Variants in DPP10 observed in about 807,000 individuals in gnomAD.
The protein encoded by DPP10 is dipeptidyl peptidase like 10.
Under a neutral mutation model 120.9 loss-of-function variants are expected in DPP10, and 33 were observed. The ratio of observed to expected loss-of-function variants is 0.27; its 90% CI spans 0.21 to 0.37. DPP10 has a LOEUF of 0.37. Ranked by LOEUF, DPP10 falls within the 10% of genes least tolerant of loss-of-function variation. DPP10 has a pLI of 1.00. For missense variants in DPP10, 816 were observed against 942.8 expected (o/e 0.87, Z 1.76); for synonymous variants, 337 against 326.1 (o/e 1.03, Z -0.36).
At chr2:115,726,420 G>A (rs1410602345) in intron 7 of DPP10, among the ~76,000 whole-genome samples, 1 of 152,038 alleles carries the variant, frequency 6.6e-6, no homozygotes, top group East Asian at 1.9e-4. Flanking sequence ...CTTCACCACA[G>A]ATCTGTAAGG....
At position 115,704,416 on chromosome 2, in the gene DPP10, A is replaced by C. The variant is rs146474245; in HGVS notation, c.576+14495A>C. ...TTTATTTATGTTGTTATCTTCTACCACTAACTGAGGGGGAACACCTAGAAT... is the reference window on the plus strand; with the variant it reads ...TTTATTTATGTTGTTATCTTCTACCCCTAACTGAGGGGGAACACCTAGAAT... On this transcript the variant is annotated intron_variant, in intron 7 of 25. Transcript: ENST00000410059. 2.0e-5 allele frequency among the ~76,000 whole-genome samples: 3 copies of C among 151,978 alleles called. No individual in the cohort carries two copies. In the East Asian group the frequency reaches 5.8e-4, roughly 29 times the overall value.
At chr2:115,330,199 C>T (rs1463789755) in intron 2 of DPP10, among the ~76,000 whole-genome samples, 2 of 152,096 alleles carry the variant, frequency 1.3e-5, no homozygotes, top group African/African-American at 4.8e-5. Flanking sequence ...TGATGATGAG[C>T]ATTTTTTCAT....
chr2:115,403,480 A>C (rs375274199), intron 3 of DPP10, among the ~76,000 whole-genome samples: 2 of 134,344 alleles, frequency 1.5e-5, no homozygotes, highest in African/African-American at 5.6e-5. Context: ...GCTTACTGCA[A>C]CCTCCGCCTC....
intron 1 of DPP10, among the ~76,000 whole-genome samples, chr2:114,561,307 G>A (rs1438701806): frequency 2.0e-5 from 3 of 152,152 alleles, no homozygotes; most frequent in Non-Finnish European, 2.9e-5. Context: ...TGTTTAAGGA[G>A]AAAAGTGATA....
intron 1 of DPP10, among the ~76,000 whole-genome samples, chr2:115,088,759 A>AAAAAAAAAAC (rs1708967892): frequency 6.7e-6 from 1 of 149,818 alleles, no homozygotes; most frequent in Non-Finnish European, 1.5e-5. Context: ...ACAAAAAAAA[A>AAAAAAAAAAC]AAAAAAAAAA....
intron 1 of DPP10, among the ~76,000 whole-genome samples, chr2:114,908,226 G>A (rs1482564941): frequency 6.6e-6 from 1 of 151,914 alleles, no homozygotes; most frequent in Non-Finnish European, 1.5e-5. Flanking sequence ...CTTCCAAAGT[G>A]TATAATTGTT....
Position 115,092,239 on chromosome 2 carries a change from C to T in DPP10, c.61-217000C>T, listed in dbSNP as rs74411579. On this transcript the variant is annotated intron_variant, in intron 1 of 25. Coordinates refer to ENST00000410059, the MANE Select transcript of DPP10 (RefSeq NM_020868.6). ...CTATCCAAATGAATACCAAATAACT[C>T]ACTTTGCAAACATTTCATGTCCATT... is the stretch of plus-strand genomic sequence containing the variant. 2.0e-5 allele frequency among the ~76,000 whole-genome samples: 3 copies of T among 152,298 alleles called. No homozygotes were observed. The East Asian group carries it at 5.8e-4, about 29-fold the overall frequency.
In DPP10 at chr2:114,563,574, A is replaced by G. The variant is rs149269478; in HGVS notation, c.60+120736A>G. 8.5e-5 allele frequency among the ~76,000 whole-genome samples: 13 copies of G among 152,314 alleles called. No individual in the cohort carries two copies. In the East Asian group the frequency reaches 2.3e-3, roughly 27 times the overall value. On this transcript the variant is annotated intron_variant, in intron 1 of 25. Coordinates refer to ENST00000410059, the MANE Select transcript of DPP10 (RefSeq NM_020868.6). ...AAATAATTCTTAGAGGAATAAGCACATGTAAACAATATTCTATTGACATCT... is the reference window on the plus strand; with the variant it reads ...AAATAATTCTTAGAGGAATAAGCACGTGTAAACAATATTCTATTGACATCT...
At chr2:114,916,836 C>A (rs1486886698) in intron 1 of DPP10, among the ~76,000 whole-genome samples, 1 of 152,106 alleles carries the variant, frequency 6.6e-6, no homozygotes, top group African/African-American at 2.4e-5. Flanking sequence ...TAATAAAAGT[C>A]ATCTATGACA....
intron 12 of DPP10, among the ~76,000 whole-genome samples, chr2:115,767,372 G>A (rs559968912): frequency 3.8e-4 from 58 of 152,040 alleles, no homozygotes; most frequent in African/African-American, 1.0e-3. Context: ...ACCACCTCTC[G>A]TTAGTCCAGC....
chr2:115,831,037 G>A (rs1016804589), intron 21 of DPP10, among the ~76,000 whole-genome samples: 3 of 152,126 alleles, frequency 2.0e-5, no homozygotes, highest in African/African-American at 7.2e-5. Flanking sequence ...TTAAGATTCT[G>A]CTTCAAGGCA....
chr2:115,800,625 GAGGGATCC>G, intron 19 of DPP10, among the ~76,000 whole-genome samples: 1 of 151,924 alleles, frequency 6.6e-6, no homozygotes, highest in East Asian at 1.9e-4. Context: ...AGGTGTAAGG[GAGGGATCC>G]AGTTTCAGCT....
chr2:114,511,510 T>C (rs374837201), intron 1 of DPP10, among the ~76,000 whole-genome samples: 3 of 152,148 alleles, frequency 2.0e-5, no homozygotes, highest in African/African-American at 7.2e-5. Context: ...CACCATCCTC[T>C]GAAAGTACAG....
Position 115,431,996 on chromosome 2 carries a change from A to G in DPP10, c.272-67514A>G, listed in dbSNP as rs556331763. On this transcript the variant is annotated intron_variant, in intron 3 of 25. Coordinates refer to ENST00000410059, the MANE Select transcript of DPP10 (RefSeq NM_020868.6). ...TCCAAGGGAAACGGGAAATCTGTAT[A>G]CTGTATAGTGATAAAAATGATGCCA... Among the ~76,000 whole-genome samples, 14 of 152,264 alleles carry G rather than the reference A, an allele frequency of 9.2e-5. No homozygotes were observed. The South Asian group carries it at 2.9e-3, about 32-fold the overall frequency.
At chr2:115,698,793 G>T (rs1019534548) in intron 7 of DPP10, among the ~76,000 whole-genome samples, 5 of 152,008 alleles carry the variant, frequency 3.3e-5, no homozygotes, top group African/African-American at 1.2e-4. Context: ...TTGGTATTTT[G>T]TTATGGAAGG....
intron 1 of DPP10, among the ~76,000 whole-genome samples, chr2:114,480,043 G>A (rs1383563059): frequency 6.6e-6 from 1 of 152,168 alleles, no homozygotes; most frequent in African/African-American, 2.4e-5. Flanking sequence ...ATCAAAAAGT[G>A]GGCGAAGGAT....
intron 1 of DPP10, among the ~76,000 whole-genome samples, chr2:114,471,426 A>G (rs911396172): frequency 2.0e-5 from 3 of 152,218 alleles, no homozygotes; most frequent in African/African-American, 4.8e-5. Flanking sequence ...AGAGAATCAA[A>G]TAGGGATGGT....
chr2:114,474,874 C>T (rs1205851976), intron 1 of DPP10, among the ~76,000 whole-genome samples: 1 of 152,134 alleles, frequency 6.6e-6, no homozygotes, highest in Non-Finnish European at 1.5e-5. Context: ...GGCTGCAAAC[C>T]CTAAGAGATG....
intron 19 of DPP10, among the ~76,000 whole-genome samples, chr2:115,793,838 C>G (rs1038533771): frequency 6.6e-6 from 1 of 151,924 alleles, no homozygotes; most frequent in African/African-American, 2.4e-5. Context: ...ATGTGACTTA[C>G]AAAATCCAAA....
Sources: gnomAD v4.1 joint callset for allele counts (sites outside exome capture counted in the v4.1 genomes callset) on GRCh38, gnomAD v4.1.1 for gene constraint, MANE v1.5 for transcripts, NCBI Gene and HGNC (gene_info 2026-07-23, HGNC 2026-07-21) for gene names.